The following CLSTN2 variants were observed in gnomAD, a reference collection of about 807,000 sequenced individuals.
CLSTN2 encodes calsyntenin-2.
Under a neutral mutation model 101.2 loss-of-function variants are expected in CLSTN2, and 48 were observed. That is an observed-to-expected ratio of 0.47 (90% CI 0.38 to 0.60). The LOEUF is 0.60. CLSTN2 is among the 20% of genes least tolerant of loss of function. The probability of loss-of-function intolerance (pLI) is 0.00; values close to 1 mark genes in which losing one functional copy is unlikely to be tolerated. For synonymous variants in CLSTN2, 481 were observed against 463.6 expected (o/e 1.04, Z -0.48); for missense variants, 1,160 against 1,238.2 (o/e 0.94, Z 0.95).
intron 1 of CLSTN2, among the ~76,000 whole-genome samples, chr3:139,981,595 G>A (rs1935923057): frequency 1.3e-5 from 2 of 152,204 alleles, no homozygotes; most frequent in African/African-American, 4.8e-5. Context: ...GAATTAAATG[G>A]TGAGAGAGGT....
At chr3:140,558,499 T>A in intron 11 of CLSTN2, 141 bp from the exon 12 acceptor site, 1 of 606,178 alleles carries the variant, frequency 1.6e-6, no homozygotes, top group Non-Finnish European at 2.9e-6. Flanking sequence ...TAAATTTGAA[T>A]GTCTGTTGAC....
intron 8 of CLSTN2, among the ~76,000 whole-genome samples, chr3:140,467,600 T>C (rs1933739144): frequency 6.6e-6 from 1 of 152,184 alleles, no homozygotes; most frequent in Admixed American, 6.5e-5. Context: ...CATTTTGTTT[T>C]TATTCTGCCC....
At chr3:140,063,650 C>T (rs979422590) in intron 1 of CLSTN2, among the ~76,000 whole-genome samples, 2 of 152,292 alleles carry the variant, frequency 1.3e-5, no homozygotes, top group Admixed American at 6.5e-5. Context: ...AGAACCCCAG[C>T]AGTCCTTCAT....
chr3:140,415,539 C>T (rs113355283), intron 4 of CLSTN2, among the ~76,000 whole-genome samples: 14 of 144,482 alleles, frequency 9.7e-5, no homozygotes, highest in African/African-American at 3.6e-4. Context: ...TGCAAAGGAC[C>T]TGAACGGACA....
chr3:140,236,503 G>A (rs1395104380), intron 2 of CLSTN2, among the ~76,000 whole-genome samples: 2 of 151,950 alleles, frequency 1.3e-5, no homozygotes, highest in South Asian at 4.2e-4. Context: ...GCTTCTTCTT[G>A]GCTCATGGTT....
At position 140,485,660 on chromosome 3, in the gene CLSTN2, C is replaced by T. The variant is rs183633509; in HGVS notation, c.1344+18929C>T. 3.6e-3 allele frequency among the ~76,000 whole-genome samples: 543 copies of T among 152,276 alleles called. 2 individuals are homozygous for T. The highest frequency in any genetic ancestry group is 0.013 in the African/African-American group (527 of 41,566). Reference sequence around the variant, plus strand: ...CTACTCAAGCCTCGGCAATGGCAGGCACCCCTCCCCCAGCCTCACTGCTGC... The same window carrying T: ...CTACTCAAGCCTCGGCAATGGCAGGTACCCCTCCCCCAGCCTCACTGCTGC... On this transcript the variant is annotated intron_variant, in intron 8 of 16. Coordinates refer to ENST00000458420, the MANE Select transcript of CLSTN2 (RefSeq NM_022131.3).
At chr3:140,176,220 C>T (rs994059935) in intron 2 of CLSTN2, 147 bp downstream of exon 2, 1 of 848,882 alleles carries the variant, frequency 1.2e-6, no homozygotes, top group Non-Finnish European at 1.7e-6. Context: ...CTGTATGCCT[C>T]TTATTTCTGG....
In CLSTN2 at chr3:139,935,753, CTG is replaced by C. The variant is rs1006036404; in HGVS notation, c.109+273_109+274del. Among the ~76,000 whole-genome samples, 15 of 151,882 alleles carry C rather than the reference CTG, an allele frequency of 9.9e-5. No homozygotes were observed. Among genetic ancestry groups the C allele is most frequent in the Admixed American group, 1.3e-4 (2 of 15,266 alleles). ...GAGTACGGACAACTTTGAGGGCTGT[CTG>C]TGCCGGGGTGGGAGCGCAGTGGGTG... On this transcript the variant is annotated intron_variant, in intron 1 of 16. Transcript: ENST00000458420. This position sits in a 1 kb window ranked among gnomAD's most constrained non-coding sequence, Gnocchi z 5.5.
At chr3:140,564,352 T>C (rs2107795282) in intron 16 of CLSTN2, among the ~76,000 whole-genome samples, 1 of 152,310 alleles carries the variant, frequency 6.6e-6, no homozygotes, top group South Asian at 2.1e-4. Flanking sequence ...CTACATTCTC[T>C]GATTTAAAAT....
chr3:140,253,259 G>T (rs1431459676), intron 2 of CLSTN2, among the ~76,000 whole-genome samples: 1 of 152,054 alleles, frequency 6.6e-6, no homozygotes, highest in Non-Finnish European at 1.5e-5. Flanking sequence ...GAAGGTAGGG[G>T]CTAGTCAAGG....
chr3:140,100,850 C>T lies in CLSTN2; in HGVS notation c.110-75101C>T, dbSNP rs138900589. Among the ~76,000 whole-genome samples the T allele has an allele frequency of 1.9e-3, 294 of 152,292 alleles. 1 individual carries two copies. Among genetic ancestry groups the T allele is most frequent in the Admixed American group, 4.7e-3 (72 of 15,296 alleles). On this transcript the variant is annotated intron_variant, in intron 1 of 16. Coordinates refer to ENST00000458420, the MANE Select transcript of CLSTN2 (RefSeq NM_022131.3). The stretch of plus-strand genomic sequence containing the variant: ...GTGATGGTTCATAATGGCTCCAATG[C>T]CCATGTGTGAGTACAATCACCCTTC...
rs565925955 is a variant in CLSTN2 at position 139,949,658 on chromosome 3, G to T, written c.109+14175G>T. Among the ~76,000 whole-genome samples the T allele has an allele frequency of 1.8e-4, 27 of 152,290 alleles. 1 individual carries two copies. Among genetic ancestry groups the T allele is most frequent in the African/African-American group, 6.3e-4 (26 of 41,544 alleles). Reference sequence around the variant, plus strand: ...TGGATAATTAATGTAAATTACCTTTGCTATCAGTGAATTAGCATAGACATA... The same window carrying T: ...TGGATAATTAATGTAAATTACCTTTTCTATCAGTGAATTAGCATAGACATA... On this transcript the variant is annotated intron_variant, in intron 1 of 16. Transcript: ENST00000458420.
chr3:140,522,519 A>C (rs1935051316), intron 8 of CLSTN2, among the ~76,000 whole-genome samples: 1 of 152,180 alleles, frequency 6.6e-6, no homozygotes, highest in Non-Finnish European at 1.5e-5. Flanking sequence ...AGTTCTGTCC[A>C]TTGTCATCTA....
At chr3:140,177,550 G>A (rs1345016728) in intron 2 of CLSTN2, among the ~76,000 whole-genome samples, 1 of 152,076 alleles carries the variant, frequency 6.6e-6, no homozygotes, top group Non-Finnish European at 1.5e-5. Context: ...AGCACTTTGG[G>A]AGGCTGAGGC....
At chr3:140,139,074 T>C (rs1296007882) in intron 1 of CLSTN2, among the ~76,000 whole-genome samples, 2 of 152,244 alleles carry the variant, frequency 1.3e-5, no homozygotes, top group African/African-American at 4.8e-5. Context: ...TCTGGCAGCA[T>C]GATTGCTAAA....
intron 1 of CLSTN2, among the ~76,000 whole-genome samples, chr3:140,046,936 G>A (rs555951895): frequency 6.6e-6 from 1 of 152,092 alleles, no homozygotes; most frequent in Non-Finnish European, 1.5e-5. Context: ...GGTGTTGCCT[G>A]CTTCCAACTG....
intron 2 of CLSTN2, among the ~76,000 whole-genome samples, chr3:140,329,935 A>G (rs1287051569): frequency 2.0e-5 from 3 of 152,204 alleles, no homozygotes; most frequent in Admixed American, 1.3e-4. Flanking sequence ...TCAGGGAGGA[A>G]TGGCCCTGAG....
At chr3:140,010,125 C>T (rs1175779753) in intron 1 of CLSTN2, among the ~76,000 whole-genome samples, 3 of 152,182 alleles carry the variant, frequency 2.0e-5, no homozygotes, top group African/African-American at 7.2e-5. Context: ...ACCGTCTTTC[C>T]AGCCTATTTG....
At chr3:140,147,666 A>G (rs1209150860) in intron 1 of CLSTN2, among the ~76,000 whole-genome samples, 2 of 152,218 alleles carry the variant, frequency 1.3e-5, no homozygotes, top group Non-Finnish European at 2.9e-5. Context: ...CTTCCAACAC[A>G]GTACTGAGTG....
Sources: allele counts gnomAD v4.1 joint callset (sites outside exome capture counted in the v4.1 genomes callset), GRCh38; gene constraint gnomAD v4.1.1; non-coding constraint Gnocchi (gnomAD v3.1); transcripts MANE v1.5; gene names NCBI Gene and HGNC (gene_info 2026-07-23, HGNC 2026-07-21).